STARD9: variants seen among roughly 807,000 people sequenced by gnomAD.
STARD9 encodes StAR related lipid transfer domain containing 9.
A neutral mutation model predicts 399.8 loss-of-function variants in STARD9; 346 were observed. The ratio of observed to expected loss-of-function variants is 0.87; its 90% CI spans 0.79 to 0.95. The LOEUF (loss-of-function observed/expected upper bound fraction) is 0.95, where lower values mean the gene tolerates loss of function less well. Among genes scored for constraint, STARD9 ranks in the 40% least tolerant of loss-of-function variants. The pLI, the probability that STARD9 is intolerant of heterozygous loss-of-function variation, is 0.00. For synonymous variants in STARD9, 2,203 were observed against 2,143.5 expected (o/e 1.03, Z -0.77); for missense variants, 5,832 against 5,667.5 (o/e 1.03, Z -0.93).
rs1464553325 is a variant in STARD9 at position 42,656,837 on chromosome 15, A to G, written c.702+4245A>G. ...CACATAGGCATAAGGACGCAACAGCATAAGAATGAACTTTGGGGACTTGTG... is the reference window on the plus strand; with the variant it reads ...CACATAGGCATAAGGACGCAACAGCGTAAGAATGAACTTTGGGGACTTGTG... On this transcript the variant is annotated intron_variant, in intron 9 of 32. Transcript: ENST00000290607. Among the ~76,000 whole-genome samples the G allele has an allele frequency of 3.9e-5, 6 of 152,312 alleles. No homozygotes were observed. In the South Asian group the frequency reaches 8.3e-4, roughly 21 times the overall value.
intron 20 of STARD9, among the ~76,000 whole-genome samples, chr15:42,676,460 T>C (rs1458468876): frequency 6.6e-6 from 1 of 152,172 alleles, no homozygotes; most frequent in Non-Finnish European, 1.5e-5. Flanking sequence ...GCTTTCTTTC[T>C]CATAACCAAG....
intron 18 of STARD9, 53 bp from the exon 19 acceptor site, chr15:42,675,611 G>A (rs2060293645): frequency 3.7e-6 from 5 of 1,363,580 alleles, no homozygotes; most frequent in African/African-American, 1.4e-5. Context: ...CACATAGTAT[G>A]TACTCCAAAA....
At position 42,610,372 on chromosome 15, in the gene STARD9, C is replaced by A. The variant is rs142777319; in HGVS notation, c.235-24484C>A. ...CCTCTAAAGCCCTCTTTCCTTTCGGCAGCATGATCAGCAACATTGGAGATG... is the reference window on the plus strand; with the variant it reads ...CCTCTAAAGCCCTCTTTCCTTTCGGAAGCATGATCAGCAACATTGGAGATG... On this transcript the variant is annotated intron_variant, in intron 3 of 32. Coordinates refer to ENST00000290607, the MANE Select transcript of STARD9 (RefSeq NM_020759.3). Among the ~76,000 whole-genome samples, 33 of 152,250 alleles carry A rather than the reference C, an allele frequency of 2.2e-4. No individual in the cohort carries two copies. In the East Asian group the frequency reaches 2.5e-3, roughly 12 times the overall value.
At chr15:42,622,068 A>G (rs1242582544) in intron 3 of STARD9, among the ~76,000 whole-genome samples, 2 of 152,086 alleles carry the variant, frequency 1.3e-5, no homozygotes, top group Non-Finnish European at 2.9e-5. Context: ...CTCTACATTA[A>G]AGGAAAATAA....
rs2060538243 is a variant in STARD9, at chr15:42,685,745, A to C, written c.4167A>C (p.Glu1389Asp). ...NTEELKPSDAETVLPYSSKLH... is the reference protein window; with the variant it reads ...NTEELKPSDADTVLPYSSKLH... ...AGGAACTAAAGCCATCAGATGCAGAAACGGTTCTGCCATATAGCTCCAAAC... is the reference window on the plus strand; with the variant it reads ...AGGAACTAAAGCCATCAGATGCAGACACGGTTCTGCCATATAGCTCCAAAC... The change falls in exon 23 of 33, where the codon GAA becomes GAC. Residue 1389 changes from glutamate (E) to aspartate (D), a missense_variant. Around this residue, in one of 2 missense-constraint regions of STARD9, gnomAD observed 5,828 missense variants for 5,651.1 expected, o/e 1.03. Coordinates refer to ENST00000290607, the MANE Select transcript of STARD9 (RefSeq NM_020759.3). 7.8e-6 allele frequency: 12 copies of C among 1,537,324 alleles called. No homozygotes were observed. The highest frequency in any genetic ancestry group is 9.6e-6 in the Non-Finnish European group (11 of 1,146,960).
chr15:42,609,054 C>T (rs907962044), intron 3 of STARD9, among the ~76,000 whole-genome samples: 2 of 152,048 alleles, frequency 1.3e-5, no homozygotes, highest in African/African-American at 4.8e-5. Flanking sequence ...TTTCTTATGA[C>T]AGTTCCGGGC....
chr15:42,654,558 G>A (rs185759341), intron 9 of STARD9, among the ~76,000 whole-genome samples: 20 of 152,184 alleles, frequency 1.3e-4, no homozygotes, highest in Admixed American at 7.2e-4. Flanking sequence ...AGAGCTCCTG[G>A]AACTGGTAAA....
Position 42,688,192 on chromosome 15 carries a change from C to T in STARD9, c.6614C>T (p.Ala2205Val), listed in dbSNP as rs16957055. 31,792 of 1,537,420 alleles carry T rather than the reference C, an allele frequency of 0.021. 1,313 individuals are homozygous for T. Among genetic ancestry groups the T allele is most frequent in the African/African-American group, 0.17 (12,562 of 73,136 alleles). Reference sequence around the variant, plus strand: ...TCTCTTCACCCACAGAGAATGAAAGCATTGGCTAGAGCTCTGCCATTGCAA... The same window carrying T: ...TCTCTTCACCCACAGAGAATGAAAGTATTGGCTAGAGCTCTGCCATTGCAA... ...NTSLHPQRMK[A>V]LARALPLQPR... The change falls in exon 23 of 33, where the codon GCA becomes GTA. Residue 2205 changes from alanine to valine, a missense_variant. Transcript: ENST00000290607.
rs761660745 is a variant in STARD9 at position 42,693,792 on chromosome 15, A to C, written c.12214A>C (p.Thr4072Pro). ...AGCATCTCCAGGGGAACCACAACGCACTCTGGACCGACCTTCTTCATGGGG... is the reference window on the plus strand; with the variant it reads ...AGCATCTCCAGGGGAACCACAACGCCCTCTGGACCGACCTTCTTCATGGGG... ...SSASPGEPQRTLDRPSSWGGL... is the reference protein window; with the variant it reads ...SSASPGEPQRPLDRPSSWGGL... The change falls in exon 23 of 33, where the codon ACT becomes CCT. Residue 4072 changes from threonine (T) to proline (P), a missense_variant. Physicochemically the swap from Thr to Pro is conservative, Grantham distance 38. Coordinates refer to ENST00000290607, the MANE Select transcript of STARD9 (RefSeq NM_020759.3). 1.3e-6 allele frequency: 2 copies of C among 1,536,128 alleles called. No individual in the cohort carries two copies. Among genetic ancestry groups the C allele is most frequent in the Non-Finnish European group, 1.7e-6 (2 of 1,146,534 alleles).
In STARD9 at chr15:42,720,194, T is replaced by TTTGGGTC. The variant is rs1284912261; in HGVS notation, c.*625_*631dup. On this transcript the variant is annotated 3_prime_UTR_variant, in exon 33 of 33. Transcript: ENST00000290607. ...TCCCTTTCCCTCCCAGGAGAAGACA[T>TTTGGGTC]TTGGGTCTTGGCCTGAGGCAGGGGT... 6.6e-6 allele frequency: 1 copy of TTTGGGTC among 152,338 alleles called. No homozygotes were observed. Among genetic ancestry groups the TTTGGGTC allele is most frequent in the East Asian group, 1.9e-4 (1 of 5,196 alleles). The allele number at this position is 152,338 out of a possible 1,614,324, so 9.4% of individuals were successfully genotyped here.
At chr15:42,612,600 G>T (rs2058872420) in intron 3 of STARD9, among the ~76,000 whole-genome samples, 1 of 152,162 alleles carries the variant, frequency 6.6e-6, no homozygotes, top group Non-Finnish European at 1.5e-5. Flanking sequence ...TGTCTGTTAG[G>T]ATAGCCTCAT....
chr15:42,594,101 C>T (rs1302942147), intron 3 of STARD9, among the ~76,000 whole-genome samples: 1 of 151,846 alleles, frequency 6.6e-6, no homozygotes, highest in African/African-American at 2.4e-5. Flanking sequence ...GACAGACAGA[C>T]GGAGAAAAGA....
intron 7 of STARD9, among the ~76,000 whole-genome samples, chr15:42,639,851 A>G (rs1006228942): frequency 7.9e-5 from 12 of 151,952 alleles, no homozygotes; most frequent in Non-Finnish European, 1.5e-5. Context: ...GCGACAGAGC[A>G]AGACGCCATC....
intron 15 of STARD9, among the ~76,000 whole-genome samples, chr15:42,668,868 G>A (rs557226919): frequency 6.6e-6 from 1 of 151,998 alleles, no homozygotes; most frequent in African/African-American, 2.4e-5. Flanking sequence ...AAAATAACAT[G>A]TTTTTTTCTA....
chr15:42,593,765 G>A (rs535963698), intron 3 of STARD9, among the ~76,000 whole-genome samples: 1 of 135,080 alleles, frequency 7.4e-6, no homozygotes, highest in Non-Finnish European at 1.5e-5. Flanking sequence ...CCAGGTCCAC[G>A]CCATTCTCCT....
intron 3 of STARD9, among the ~76,000 whole-genome samples, chr15:42,617,041 TA>T (rs1288074219): frequency 1.3e-5 from 2 of 152,174 alleles, no homozygotes; most frequent in African/African-American, 4.8e-5. Context: ...TTATTAGCTA[TA>T]TGGATCTAAA....
chr15:42,592,685 C>G (rs1278526466), intron 3 of STARD9, among the ~76,000 whole-genome samples: 1 of 152,150 alleles, frequency 6.6e-6, no homozygotes, highest in Admixed American at 6.5e-5. Flanking sequence ...CTCAAGTGAT[C>G]TGCCCACCTC....
intron 3 of STARD9, among the ~76,000 whole-genome samples, chr15:42,601,585 C>G (rs1475513487): frequency 6.7e-6 from 1 of 150,114 alleles, no homozygotes; most frequent in Admixed American, 6.6e-5. Context: ...GCTGCCCCCC[C>G]ACCTCCCGGA....
rs779452608 is a variant in STARD9, at chr15:42,719,517, T to C, written c.14046T>C (p.Ser4682=). ...GCTTCCCACCTCAGCTCCTGAGCTC[T>C]TTCATCAAACGGCAGCCACTGGTTA... ...APGFPPQLLS[S]FIKRQPLVIA... The change falls in exon 33 of 33, where the codon TCT becomes TCC. Residue 4682 remains serine (S), a synonymous_variant. Coordinates refer to ENST00000290607, the MANE Select transcript of STARD9 (RefSeq NM_020759.3). The C allele has an allele frequency of 3.3e-6, 5 of 1,537,250 alleles. No homozygotes were observed. The East Asian group carries it at 1.2e-4, about 38-fold the overall frequency.
Sources: gnomAD v4.1 joint callset for allele counts (sites outside exome capture counted in the v4.1 genomes callset) on GRCh38, gnomAD v4.1.1 for gene constraint, gnomAD v4.1.1 regional missense constraint, MANE v1.5 for transcripts, NCBI Gene and HGNC (gene_info 2026-07-23, HGNC 2026-07-21) for gene names.